Variants in ARHGAP39 observed in about 807,000 individuals in gnomAD.
ARHGAP39 encodes Rho GTPase activating protein 39.
Under a neutral mutation model 106.9 loss-of-function variants are expected in ARHGAP39, and 44 were observed. That is an observed-to-expected ratio of 0.41 (90% confidence interval 0.32 to 0.53). ARHGAP39 has a LOEUF of 0.53. Ranked by LOEUF, ARHGAP39 falls within the 20% of genes least tolerant of loss-of-function variation. ARHGAP39 has a pLI of 0.21. For missense variants in ARHGAP39, 1,496 were observed against 1,577.3 expected (o/e 0.95, Z 0.87); for synonymous variants, 768 against 693.2 (o/e 1.11, Z -1.69).
intron 1 of ARHGAP39, among the ~76,000 whole-genome samples, chr8:144,648,496 A>G (rs1390876609): frequency 6.6e-6 from 1 of 152,210 alleles, no homozygotes; most frequent in Non-Finnish European, 1.5e-5. Context: ...GAAAGAAAAC[A>G]GCCTAGGAGG....
chr8:144,535,119 G>T (rs1413057236), intron 7 of ARHGAP39, among the ~76,000 whole-genome samples: 13 of 152,192 alleles, frequency 8.5e-5, no homozygotes, highest in Non-Finnish European at 1.5e-4. Context: ...GCCTGCCAGG[G>T]TGAGGGGGGC....
chr8:144,602,787 CGT>C (rs754585307), intron 2 of ARHGAP39, among the ~76,000 whole-genome samples: 6 of 86,022 alleles, frequency 7.0e-5, no homozygotes, highest in South Asian at 4.1e-4. Context: ...TGCATGGAGG[CGT>C]GTGTGTGCAT....
At chr8:144,672,987 C>A (rs758591856) in intron 1 of ARHGAP39, among the ~76,000 whole-genome samples, 1 of 152,216 alleles carries the variant, frequency 6.6e-6, no homozygotes, top group Non-Finnish European at 1.5e-5. Context: ...GAGGCAGAAG[C>A]GGGAGGATCA....
chr8:144,561,264 C>CCCAGTGGTTTCCATCACACT (rs1818136350), intron 3 of ARHGAP39, among the ~76,000 whole-genome samples: 2 of 129,508 alleles, frequency 1.5e-5, no homozygotes, highest in Non-Finnish European at 3.0e-5. Context: ...TCCATCAGAC[C>CCCAGTGGTTTCCATCACACT]CCAGTGGTTT....
rs545962336 is a variant in ARHGAP39 at position 144,606,006 on chromosome 8, G to T, written c.-81-311C>A. On this transcript the variant is annotated intron_variant, in intron 1 of 11. Transcript: ENST00000377307. Reference sequence around the variant, plus strand: ...GGCAGGCACAAGCCAAGCATGGGGGGACCGTGGGACCGTAGGACTGGAGGA... The same window carrying T: ...GGCAGGCACAAGCCAAGCATGGGGGTACCGTGGGACCGTAGGACTGGAGGA... Among the ~76,000 whole-genome samples the T allele has an allele frequency of 3.0e-3, 464 of 152,322 alleles. 2 individuals are homozygous for T. Among genetic ancestry groups the T allele is most frequent in the African/African-American group, 5.2e-3 (216 of 41,576 alleles).
chr8:144,697,642 C>T, the ARHGAP39 span, among the ~76,000 whole-genome samples: 1 of 152,028 alleles, frequency 6.6e-6, no homozygotes, highest in Admixed American at 6.6e-5. Flanking sequence ...GCCTCAGCCT[C>T]CCATGCCCAG....
At chr8:144,667,749 C>T (rs1822000360) in intron 1 of ARHGAP39, among the ~76,000 whole-genome samples, 1 of 152,318 alleles carries the variant, frequency 6.6e-6, no homozygotes, top group East Asian at 1.9e-4. Flanking sequence ...CCTCTCCAAC[C>T]TTGGTTTCCT....
chr8:144,635,663 G>T (rs976312063), intron 1 of ARHGAP39, among the ~76,000 whole-genome samples: 1 of 152,218 alleles, frequency 6.6e-6, no homozygotes, highest in Non-Finnish European at 1.5e-5. Flanking sequence ...TGGTCTTGGG[G>T]AGCTGAGCGC....
chr8:144,667,637 G>C (rs1048898087), intron 1 of ARHGAP39, among the ~76,000 whole-genome samples: 1 of 152,116 alleles, frequency 6.6e-6, no homozygotes, highest in Non-Finnish European at 1.5e-5. Context: ...CAGGACAGGA[G>C]AAGAAGTGTG....
At chr8:144,588,222 C>A (rs1450091857) in intron 2 of ARHGAP39, among the ~76,000 whole-genome samples, 1 of 152,180 alleles carries the variant, frequency 6.6e-6, no homozygotes, top group Non-Finnish European at 1.5e-5. Flanking sequence ...ACAGACCCAG[C>A]AAGACAGAGC....
At chr8:144,601,312 G>C (rs1166243172) in intron 2 of ARHGAP39, among the ~76,000 whole-genome samples, 2 of 149,386 alleles carry the variant, frequency 1.3e-5, no homozygotes, top group Non-Finnish European at 3.0e-5. Context: ...ATGTACCTGT[G>C]TGTGTGTGTG....
intron 4 of ARHGAP39, among the ~76,000 whole-genome samples, chr8:144,552,126 G>A (rs1817720130): frequency 6.6e-6 from 1 of 152,252 alleles, no homozygotes; most frequent in African/African-American, 2.4e-5. Context: ...AAGGGAAGTT[G>A]GAAAGCCTTA....
At chr8:144,558,570 G>C (rs1010931832) in intron 3 of ARHGAP39, among the ~76,000 whole-genome samples, 1 of 127,200 alleles carries the variant, frequency 7.9e-6, no homozygotes, top group African/African-American at 3.0e-5. Context: ...TGGCATTACA[G>C]GCGTGAGTCA....
At chr8:144,561,086 G>T (rs766361265) in intron 3 of ARHGAP39, among the ~76,000 whole-genome samples, 1 of 152,258 alleles carries the variant, frequency 6.6e-6, no homozygotes, top group Non-Finnish European at 1.5e-5. Flanking sequence ...TTGAGGAGTT[G>T]AGGACAGTGA....
intron 6 of ARHGAP39, among the ~76,000 whole-genome samples, chr8:144,540,517 G>A (rs1179189372): frequency 6.6e-6 from 1 of 152,190 alleles, no homozygotes; most frequent in Non-Finnish European, 1.5e-5. Context: ...ATAGAAATAT[G>A]AGGCCAGGCT....
chr8:144,548,459 G>C lies in ARHGAP39; in HGVS notation c.627C>G (p.Ala209=). The C allele has an allele frequency of 6.2e-7, 1 of 1,610,542 alleles. No homozygotes were observed. ...CGACCTTGATGAGCATGCGCTCTTTGGCGCCCGAGTTCCACCGCAGCGAGG... is the reference window on the plus strand; with the variant it reads ...CGACCTTGATGAGCATGCGCTCTTTCGCGCCCGAGTTCCACCGCAGCGAGG... ...RTSSLRWNSG[A]KERMLIKVAD... The change falls in exon 5 of 12, where the codon GCC becomes GCG. Residue 209 remains alanine, a synonymous_variant. Transcript: ENST00000377307. This position sits in a 1 kb window ranked among gnomAD's most constrained non-coding sequence, Gnocchi z 7.4.
Position 144,547,927 on chromosome 8 carries a change from ACT to A in ARHGAP39, c.1157_1158del (p.Glu386ValfsTer69). On this transcript the variant is annotated frameshift_variant, in exon 5 of 12. Coordinates refer to ENST00000377307, the MANE Select transcript of ARHGAP39 (RefSeq NM_025251.3). LOFTEE classifies it high-confidence loss of function. The surrounding 1 kb of genome is among the most constrained non-coding windows in gnomAD (Gnocchi z 5.2). ...QKCPERFLSL[E>X]YSPAGKEYVR... Reference sequence around the variant, plus strand: ...ACGTACTCCTTGCCGGCGGGACTGTACTCCAGGCTCAGGAAGCGCTCGGGACA... The same window carrying A: ...ACGTACTCCTTGCCGGCGGGACTGTACCAGGCTCAGGAAGCGCTCGGGACA... The A allele has an allele frequency of 6.3e-7, 1 of 1,588,534 alleles. No individual in the cohort carries two copies. The highest frequency in any genetic ancestry group is 8.6e-7 in the Non-Finnish European group (1 of 1,168,156).
In ARHGAP39 at chr8:144,671,951, C is replaced by G. The variant is rs547297576; in HGVS notation, c.-82+13735G>C. Among the ~76,000 whole-genome samples, 6 of 152,374 alleles carry G rather than the reference C, an allele frequency of 3.9e-5. No individual in the cohort carries two copies. Among genetic ancestry groups the G allele is most frequent in the Admixed American group, 3.9e-4 (6 of 15,306 alleles). On this transcript the variant is annotated intron_variant, in intron 1 of 11. Coordinates refer to ENST00000377307, the MANE Select transcript of ARHGAP39 (RefSeq NM_025251.3). The surrounding 1 kb of genome is among the most constrained non-coding windows in gnomAD (Gnocchi z 4.5). ...GAGAGCCCTGCCAGAGCAATGGAGA[C>G]AGGCTCCGCCCAAGTGAGGCTCATC...
intron 2 of ARHGAP39, among the ~76,000 whole-genome samples, chr8:144,582,253 C>G (rs573775873): frequency 6.6e-6 from 1 of 152,194 alleles, no homozygotes; most frequent in African/African-American, 2.4e-5. Context: ...CCCTGGCGGC[C>G]GGCGCAGACT....
Sources: allele counts gnomAD v4.1 joint callset (sites outside exome capture counted in the v4.1 genomes callset), GRCh38; gene constraint gnomAD v4.1.1; non-coding constraint Gnocchi (gnomAD v3.1); transcripts MANE v1.5; gene names NCBI Gene and HGNC (gene_info 2026-07-23, HGNC 2026-07-21).